NCF2: variants seen among roughly 807,000 people sequenced by gnomAD.
NCF2 encodes the protein neutrophil cytosolic factor 2, also known as neutrophil cytosol factor 2.
In NCF2, 45 loss-of-function variants were observed where a neutral mutation model predicts 70.9. The observed-to-expected ratio is 0.63, with a 90% CI of 0.50 to 0.81. The LOEUF (loss-of-function observed/expected upper bound fraction) is 0.81. Among genes scored for constraint, NCF2 ranks in the 40% least tolerant of loss-of-function variants. The probability of loss-of-function intolerance (pLI) is 0.00; values close to 1 mark genes in which losing one functional copy is unlikely to be tolerated. For synonymous variants in NCF2, 203 were observed against 233.6 expected (o/e 0.87, Z 1.19); for missense variants, 522 against 631.6 (o/e 0.83, Z 1.86).
chr1:183,586,977 C>T lies in NCF2; in HGVS notation c.175G>A (p.Ala59Thr), dbSNP rs545984071. 2.4e-5 allele frequency: 39 copies of T among 1,613,732 alleles called. No individual in the cohort carries two copies. The East Asian group carries it at 8.2e-4, about 34-fold the overall frequency. Residue 59 changes from alanine to threonine, a missense_variant and splice_region_variant, in exon 2 of 15, where the codon GCC becomes ACC. Ala to Thr is a moderately conservative substitution (Grantham distance 58). Transcript: ENST00000367535. The part of the protein sequence containing the change: ...ILKNMTEAEK[A>T]FTRSINRDKH... ...TCTCGGTTAATGCTTCTGGTAAAGG[C>T]CTGAGGAGAGAAGGGTCCAGACATG...
chr1:183,599,553 C>T, the NCF2 span, among the ~76,000 whole-genome samples: 1 of 144,418 alleles, frequency 6.9e-6, no homozygotes, highest in South Asian at 2.2e-4. Flanking sequence ...TTCCTTCTTT[C>T]TTTCTTTCTT....
chr1:183,559,339 A>C (rs1289292851), intron 14 of NCF2, among the ~76,000 whole-genome samples: 2 of 152,224 alleles, frequency 1.3e-5, no homozygotes, highest in Admixed American at 1.3e-4. Flanking sequence ...TGTTCATTAC[A>C]AACAGAATCA....
chr1:183,563,164 T>C, intron 13 of NCF2, 31 bp downstream of exon 13: 1 of 1,593,924 alleles, frequency 6.3e-7, no homozygotes, highest in African/African-American at 1.3e-5. Flanking sequence ...TCAGTGGAAA[T>C]GTAACTTTAG....
intron 2 of NCF2, among the ~76,000 whole-genome samples, chr1:183,583,162 C>T (rs1361111155): frequency 1.3e-5 from 2 of 152,286 alleles, no homozygotes; most frequent in South Asian, 2.1e-4. Flanking sequence ...AAGCTATTCT[C>T]CTGCCTCAGC....
At chr1:183,560,461 A>T (rs1304512534) in intron 13 of NCF2, among the ~76,000 whole-genome samples, 188 bp from the exon 14 acceptor site, 1 of 152,160 alleles carries the variant, frequency 6.6e-6, no homozygotes, top group East Asian at 1.9e-4. Context: ...TCAGTCCCCA[A>T]CCTTTTTGGC....
chr1:183,587,828 T>C (rs549749898), intron 1 of NCF2, among the ~76,000 whole-genome samples: 1 of 152,224 alleles, frequency 6.6e-6, no homozygotes, highest in Admixed American at 6.5e-5. Context: ...GAATAGATAA[T>C]TTAGACATTT....
At chr1:183,565,067 TAAA>T in intron 10 of NCF2, among the ~76,000 whole-genome samples, 1 of 152,300 alleles carries the variant, frequency 6.6e-6, no homozygotes, top group Admixed American at 6.5e-5. Context: ...TTTTTCAAAA[TAAA>T]AATGGGGGAA....
intron 1 of NCF2, among the ~76,000 whole-genome samples, chr1:183,589,141 G>C (rs1673518864): frequency 6.6e-6 from 1 of 152,206 alleles, no homozygotes; most frequent in African/African-American, 2.4e-5. Flanking sequence ...CTGTCTTCCT[G>C]TCAGGAGGGT....
chr1:183,563,484 C>G lies in NCF2; in HGVS notation c.1128G>C (p.Arg376=), dbSNP rs1034586485. Residue 376 remains arginine (R), a synonymous_variant, in exon 12 of 15, where the codon CGG becomes CGC. Coordinates refer to ENST00000367535, the MANE Select transcript of NCF2 (RefSeq NM_000433.4). ...GCTCCAGTTTCTTAGACACCATGTC[C>G]CGGACCTGGCTGTAGGGGAGCCCGG... ...TQPGLPYSQV[R]DMVSKKLELR... 1.2e-6 allele frequency: 2 copies of G among 1,614,060 alleles called. No homozygotes were observed. Among genetic ancestry groups the G allele is most frequent in the Admixed American group, 3.3e-5 (2 of 60,002 alleles).
intron 11 of NCF2, 128 bp from the exon 12 acceptor site, chr1:183,563,713 C>T: frequency 8.2e-7 from 1 of 1,217,716 alleles, no homozygotes; most frequent in Admixed American, 1.8e-5. Flanking sequence ...CAGTAAGTAA[C>T]TGGTTTCACA....
chr1:183,574,109 T>C (rs529429624), intron 4 of NCF2, among the ~76,000 whole-genome samples: 6 of 152,308 alleles, frequency 3.9e-5, no homozygotes, highest in African/African-American at 1.4e-4. Context: ...CAAAACATTT[T>C]TGCTGAGAGC....
rs377217293 is a variant in NCF2 at position 183,567,358 on chromosome 1, G to A, written c.714-13C>T. The stretch of plus-strand genomic sequence containing the variant: ...CCCTTCCAGAGCCCTGCAGAGGATA[G>A]ACACAAGATCCAGCCCCCATCCCCT... On this transcript the variant is annotated splice_polypyrimidine_tract_variant and intron_variant, in intron 7 of 14. Coordinates refer to ENST00000367535, the MANE Select transcript of NCF2 (RefSeq NM_000433.4). 5.8e-4 allele frequency: 930 copies of A among 1,613,708 alleles called. No homozygotes were observed. The highest frequency in any genetic ancestry group is 7.3e-4 in the Non-Finnish European group (862 of 1,180,032).
At chr1:183,574,842 A>G (rs1394122290) in intron 3 of NCF2, among the ~76,000 whole-genome samples, 1 of 152,250 alleles carries the variant, frequency 6.6e-6, no homozygotes, top group Admixed American at 6.5e-5. Context: ...TAAATGCAAC[A>G]TCATTTGTAC....
At chr1:183,575,856 T>C (rs34844414) in intron 3 of NCF2, among the ~76,000 whole-genome samples, 91 of 151,988 alleles carry the variant, frequency 6.0e-4, no homozygotes, top group African/African-American at 2.1e-3. Context: ...TAGTGGCTGG[T>C]GCTGAATGGT....
At chr1:183,565,172 G>A (rs963949359) in intron 10 of NCF2, among the ~76,000 whole-genome samples, 2 of 152,104 alleles carry the variant, frequency 1.3e-5, no homozygotes, top group Non-Finnish European at 2.9e-5. Flanking sequence ...TCTACCAAGC[G>A]CTTATCCAGA....
the NCF2 span, among the ~76,000 whole-genome samples, chr1:183,599,423 C>CTTTTCTTTCT: frequency 2.8e-5 from 3 of 107,508 alleles, no homozygotes; most frequent in Admixed American, 1.0e-4. Flanking sequence ...TCTTTCTTTC[C>CTTTTCTTTCT]TTCTTTCTTT....
In NCF2 at chr1:183,577,711, C is replaced by T. The variant is rs1317591790; in HGVS notation, c.258-4G>A. 4 of 1,595,340 alleles carry T rather than the reference C, an allele frequency of 2.5e-6. No individual in the cohort carries two copies. Among genetic ancestry groups the T allele is most frequent in the East Asian group, 4.5e-5 (2 of 44,798 alleles). On this transcript the variant is annotated splice_region_variant and splice_polypyrimidine_tract_variant and intron_variant, in intron 2 of 14. Transcript: ENST00000367535. ...GTCTTTGATAGCCAAATCATATCTG[C>T]AGGACAGAGGGAGAAAATACAGCAG...
upstream of NCF2, among the ~76,000 whole-genome samples, chr1:183,593,962 C>G (rs1366792585): frequency 6.6e-6 from 1 of 152,212 alleles, no homozygotes; most frequent in Non-Finnish European, 1.5e-5. Context: ...TGTTTCTCTA[C>G]TAGACAGCAT....
chr1:183,567,073 G>C (rs748376861), intron 8 of NCF2, 85 bp from the exon 9 acceptor site: 62 of 1,606,576 alleles, frequency 3.9e-5, no homozygotes, highest in Non-Finnish European at 5.3e-5. Context: ...CCAGAGTCCT[G>C]GGGAAGGGAT....
Sources: gnomAD v4.1 joint callset for allele counts (sites outside exome capture counted in the v4.1 genomes callset) on GRCh38, gnomAD v4.1.1 for gene constraint, MANE v1.5 for transcripts, NCBI Gene and HGNC (gene_info 2026-07-23, HGNC 2026-07-21) for gene names.